The following GRM7 variants were observed in gnomAD, a reference collection of about 807,000 sequenced individuals.
The protein encoded by GRM7 is glutamate metabotropic receptor 7.
A neutral mutation model predicts 84.5 loss-of-function variants in GRM7; 35 were observed. The observed-to-expected ratio is 0.41, with a 90% CI of 0.32 to 0.55. The LOEUF (loss-of-function observed/expected upper bound fraction) is 0.55, where lower values mean the gene tolerates loss of function less well. Ranked by LOEUF, GRM7 falls within the 20% of genes least tolerant of loss-of-function variation. The pLI is 0.19. For missense variants in GRM7, 1,003 were observed against 1,194.6 expected (o/e 0.84, Z 2.36); for synonymous variants, 487 against 455.1 (o/e 1.07, Z -0.89).
chr3:7,108,371 T>C (rs969198279), intron 1 of GRM7, among the ~76,000 whole-genome samples: 1 of 152,076 alleles, frequency 6.6e-6, no homozygotes, highest in Non-Finnish European at 1.5e-5. Context: ...AGAATTGGAA[T>C]GGTACCGATT....
At chr3:7,096,598 G>A (rs1467839025) in intron 1 of GRM7, among the ~76,000 whole-genome samples, 2 of 151,992 alleles carry the variant, frequency 1.3e-5, no homozygotes, top group East Asian at 1.9e-4. Context: ...TTTTTATGGG[G>A]GTTTTAATAC....
rs752037531 is a variant in GRM7, at chr3:7,146,566, A to G, written c.634A>G (p.Ile212Val). Reference sequence around the variant, plus strand: ...CTTCCAAGCCCAGGCCATGGTAGACATTGTAAAGGCCCTAGGCTGGAATTA... The same window carrying G: ...CTTCCAAGCCCAGGCCATGGTAGACGTTGTAAAGGCCCTAGGCTGGAATTA... ...DSFQAQAMVD[I>V]VKALGWNYVS... Residue 212 changes from isoleucine (I) to valine (V), a missense_variant, in exon 2 of 10, where the codon ATT becomes GTT. By Grantham distance (29) the Ile-to-Val change is conservative. Transcript: ENST00000357716. The G allele has an allele frequency of 6.8e-6, 11 of 1,613,788 alleles. No homozygotes were observed. In the African/African-American group the frequency reaches 1.1e-4, roughly 16 times the overall value.
At chr3:7,498,931 G>C (rs1195744026) in intron 7 of GRM7, among the ~76,000 whole-genome samples, 1 of 152,098 alleles carries the variant, frequency 6.6e-6, no homozygotes, top group Non-Finnish European at 1.5e-5. Context: ...GCTGCAATCT[G>C]GTTATTTATT....
chr3:7,539,605 G>A (rs1055965254), intron 7 of GRM7, among the ~76,000 whole-genome samples: 3 of 150,878 alleles, frequency 2.0e-5, no homozygotes, highest in African/African-American at 7.3e-5. Flanking sequence ...AACCTGGGAG[G>A]TGGAGGTTGC....
intron 1 of GRM7, among the ~76,000 whole-genome samples, chr3:6,898,251 C>T (rs1696259159): frequency 6.6e-6 from 1 of 152,064 alleles, no homozygotes; most frequent in African/African-American, 2.4e-5. Flanking sequence ...GCTTATTTGG[C>T]AGACCCAGAA....
chr3:7,601,237 G>A (rs1696297905), intron 8 of GRM7, among the ~76,000 whole-genome samples: 1 of 152,214 alleles, frequency 6.6e-6, no homozygotes, highest in Non-Finnish European at 1.5e-5. Context: ...TTCACCTTCT[G>A]ACTTCTGACT....
chr3:7,137,814 T>A (rs1693819045), intron 1 of GRM7, among the ~76,000 whole-genome samples: 3 of 151,918 alleles, frequency 2.0e-5, no homozygotes, highest in African/African-American at 7.3e-5. Flanking sequence ...TAAGAAGGAG[T>A]GTGAATGCCA....
intron 9 of GRM7, among the ~76,000 whole-genome samples, chr3:7,703,392 C>G (rs1701289642): frequency 1.3e-5 from 2 of 151,916 alleles, no homozygotes; most frequent in South Asian, 4.2e-4. Flanking sequence ...CATCGATGTT[C>G]TTACTAAAAA....
intron 5 of GRM7, 58 bp downstream of exon 5, chr3:7,415,221 C>G: frequency 7.2e-7 from 1 of 1,381,734 alleles, no homozygotes. Flanking sequence ...ACTGACATGT[C>G]TGCATAGCTG....
intron 5 of GRM7, among the ~76,000 whole-genome samples, chr3:7,424,590 C>T (rs142249712): frequency 1.3e-4 from 20 of 152,190 alleles, no homozygotes; most frequent in South Asian, 8.3e-4. Context: ...TAGCTACCAA[C>T]GAGAAAAATT....
intron 8 of GRM7, among the ~76,000 whole-genome samples, chr3:7,616,148 A>C (rs1012523952): frequency 3.9e-5 from 6 of 152,124 alleles, no homozygotes; most frequent in African/African-American, 1.2e-4. Flanking sequence ...TCAAATGAAA[A>C]AACAAGTTTC....
intron 5 of GRM7, among the ~76,000 whole-genome samples, chr3:7,426,268 C>T (rs747232596): frequency 6.6e-5 from 10 of 151,888 alleles, no homozygotes; most frequent in East Asian, 3.9e-4. Context: ...TACAGGCATG[C>T]GCCACCACGC....
chr3:6,922,799 A>G (rs1697169148), intron 1 of GRM7, among the ~76,000 whole-genome samples: 1 of 152,198 alleles, frequency 6.6e-6, no homozygotes, highest in Non-Finnish European at 1.5e-5. Flanking sequence ...AAGATAATGA[A>G]AACACTGTTA....
intron 2 of GRM7, among the ~76,000 whole-genome samples, chr3:7,206,397 A>G (rs1696241298): frequency 6.6e-6 from 1 of 152,214 alleles, no homozygotes; most frequent in Non-Finnish European, 1.5e-5. Context: ...AAACCAATTT[A>G]TTGCACAACT....
At chr3:7,726,331 G>A (rs546055415) in intron 9 of GRM7, among the ~76,000 whole-genome samples, 1 of 152,040 alleles carries the variant, frequency 6.6e-6, no homozygotes, top group South Asian at 2.1e-4. Context: ...CTGAGAGACG[G>A]TCACTGTCAT....
rs545182676 is a variant in GRM7, at chr3:7,564,360, A to G, written c.1516-14062A>G. Among the ~76,000 whole-genome samples, 153 of 152,256 alleles carry G rather than the reference A, an allele frequency of 1.0e-3. 2 individuals carry two copies. In the South Asian group the frequency reaches 0.03, roughly 30 times the overall value. ...AAAAAATGAGGTTTCAAGAGCTTAAATGACTTGGCCAAGATCACCCTGCTA... is the reference window on the plus strand; with the variant it reads ...AAAAAATGAGGTTTCAAGAGCTTAAGTGACTTGGCCAAGATCACCCTGCTA... On this transcript the variant is annotated intron_variant, in intron 7 of 9. Coordinates refer to ENST00000357716, the MANE Select transcript of GRM7 (RefSeq NM_000844.4).
intron 2 of GRM7, among the ~76,000 whole-genome samples, chr3:7,243,545 A>G (rs766773097): frequency 6.6e-5 from 10 of 152,146 alleles, no homozygotes; most frequent in Non-Finnish European, 1.0e-4. Context: ...CTCTTCTGAC[A>G]TCTCATTGGT....
chr3:6,981,071 G>A (rs1694179753), intron 1 of GRM7, among the ~76,000 whole-genome samples: 1 of 152,136 alleles, frequency 6.6e-6, no homozygotes, highest in East Asian at 1.9e-4. Context: ...GTTCTGCCAA[G>A]AATTTTCAGA....
Position 7,289,532 on chromosome 3 carries a change from C to T in GRM7, c.737-9152C>T, listed in dbSNP as rs527310073. On this transcript the variant is annotated intron_variant, in intron 2 of 9. Transcript: ENST00000357716. Reference sequence around the variant, plus strand: ...GGTATATACCCAAAGGATTATAAATCATGCTGCTATAAAGACACATGCACA... The same window carrying T: ...GGTATATACCCAAAGGATTATAAATTATGCTGCTATAAAGACACATGCACA... Among the ~76,000 whole-genome samples, 3 of 152,280 alleles carry T rather than the reference C, an allele frequency of 2.0e-5. No individual in the cohort carries two copies. The East Asian group carries it at 5.8e-4, about 29-fold the overall frequency.
Sources: allele counts gnomAD v4.1 joint callset (sites outside exome capture counted in the v4.1 genomes callset), GRCh38; gene constraint gnomAD v4.1.1; transcripts MANE v1.5; gene names NCBI Gene and HGNC (gene_info 2026-07-23, HGNC 2026-07-21).